The following PSMG1 variants were observed in gnomAD, a reference collection of about 807,000 sequenced individuals.
The protein encoded by PSMG1 is Down syndrome critical region gene 2.
In PSMG1, 23 loss-of-function variants were observed where a neutral mutation model predicts 37.2. The observed-to-expected ratio is 0.62, with a 90% CI of 0.44 to 0.88. The LOEUF is 0.88. Among genes scored for constraint, PSMG1 ranks in the 40% least tolerant of loss-of-function variants. The probability of loss-of-function intolerance (pLI) is 0.00; values close to 1 mark genes in which losing one functional copy is unlikely to be tolerated. For missense variants in PSMG1, 340 were observed against 344.2 expected (o/e 0.99, Z 0.10); for synonymous variants, 127 against 128.0 (o/e 0.99, Z 0.05).
chr21:39,182,906 C>A (rs373858445), intron 1 of PSMG1, among the ~76,000 whole-genome samples: 5 of 152,208 alleles, frequency 3.3e-5, no homozygotes, highest in East Asian at 3.9e-4. Context: ...GTGTGACAAG[C>A]GGGAAGATCA....
At chr21:39,180,758 T>A (rs1483015079) in intron 2 of PSMG1, among the ~76,000 whole-genome samples, 1 of 152,222 alleles carries the variant, frequency 6.6e-6, no homozygotes, top group Non-Finnish European at 1.5e-5. Context: ...CCATAGTTAC[T>A]TGCCATCATG....
chr21:39,180,389 C>T lies in PSMG1; in HGVS notation c.289G>A (p.Gly97Ser). 1.2e-6 allele frequency: 2 copies of T among 1,607,810 alleles called. No homozygotes were observed. The highest frequency in any genetic ancestry group is 1.1e-5 in the South Asian group (1 of 89,640). Residue 97 changes from glycine to serine, a missense_variant, in exon 3 of 7, where the codon GGT becomes AGT. Transcript: ENST00000331573. ...CATTCATTCCAGAGTTTAGCACAACCAACTTCCTCCCAGACTCCTGAATTC... is the reference window on the plus strand; with the variant it reads ...CATTCATTCCAGAGTTTAGCACAACTAACTTCCTCCCAGACTCCTGAATTC... ...VMNSGVWEEV[G>S]CAKLWNEWCR...
At chr21:39,179,556 T>C (rs756776188) in intron 4 of PSMG1, among the ~76,000 whole-genome samples, 1 of 152,176 alleles carries the variant, frequency 6.6e-6, no homozygotes, top group Non-Finnish European at 1.5e-5. Context: ...CTGGATTTGA[T>C]AGATTTCTAA....
chr21:39,181,740 A>G (rs2030833328), intron 2 of PSMG1, 32 bp downstream of exon 2: 1 of 1,398,086 alleles, frequency 7.2e-7, no homozygotes, highest in Non-Finnish European at 9.7e-7. Context: ...TTCTTTCAAC[A>G]AAATGACTAA....
chr21:39,181,924 A>G (rs1298338491), intron 1 of PSMG1, 46 bp from the exon 2 acceptor site: 1 of 1,342,582 alleles, frequency 7.4e-7, no homozygotes, highest in Non-Finnish European at 1.0e-6. Flanking sequence ...CAATATAAAC[A>G]GTATCATGGC....
In PSMG1 at chr21:39,178,589, A is replaced by G; in HGVS notation, c.515T>C (p.Val172Ala). Residue 172 changes from valine to alanine, a missense_variant, in exon 5 of 7, where the codon GTT becomes GCT. Transcript: ENST00000331573. Reference sequence around the variant, plus strand: ...GGATTCTGAGGTTTTATAATCGGTAACATGTCGACATGTGAGAATAGTTAT... The same window carrying G: ...GGATTCTGAGGTTTTATAATCGGTAGCATGTCGACATGTGAGAATAGTTAT... ...MQITILTCRH[V>A]TDYKTSESTG... 4 of 1,614,186 alleles carry G rather than the reference A, an allele frequency of 2.5e-6. No homozygotes were observed. The highest frequency in any genetic ancestry group is 3.4e-6 in the Non-Finnish European group (4 of 1,180,030).
intron 1 of PSMG1, 43 bp downstream of exon 1, chr21:39,183,209 T>C (rs758034085): frequency 7.2e-6 from 11 of 1,521,150 alleles, no homozygotes; most frequent in Admixed American, 1.9e-5. Context: ...CCCGCGCACC[T>C]TCCAGCTGCG....
chr21:39,181,955 A>G, intron 1 of PSMG1, 77 bp from the exon 2 acceptor site: 4 of 855,366 alleles, frequency 4.7e-6, no homozygotes, highest in Non-Finnish European at 6.8e-6. Context: ...TATATGTATG[A>G]TTTACAATAA....
rs2030778502 is a variant in PSMG1, at chr21:39,180,288, G to A, written c.390C>T (p.Pro130=). The change falls in exon 3 of 7, where the codon CCC becomes CCT. Residue 130 remains proline, a synonymous_variant. Coordinates refer to ENST00000331573, the MANE Select transcript of PSMG1 (RefSeq NM_003720.4). The stretch of plus-strand genomic sequence containing the variant: ...CAAACATACAAGTCCCACCTACCGA[G>A]GGATTGGATTTTAGATGATAAAACA... ...FCVFYHLKSN[P]SVFLCQCSCY... The A allele has an allele frequency of 6.3e-7, 1 of 1,599,080 alleles. No individual in the cohort carries two copies. The highest frequency in any genetic ancestry group is 8.5e-7 in the Non-Finnish European group (1 of 1,173,922).
intron 1 of PSMG1, among the ~76,000 whole-genome samples, chr21:39,182,429 C>CTA (rs2030874088): frequency 9.9e-5 from 15 of 152,022 alleles, no homozygotes; most frequent in Non-Finnish European, 2.2e-4. Flanking sequence ...TGTTAGGATT[C>CTA]TCATTCACGC....
intron 1 of PSMG1, chr21:39,183,026 A>G: frequency 1.9e-6 from 1 of 534,458 alleles, no homozygotes; most frequent in East Asian, 3.6e-5. Context: ...CCTGGACTCC[A>G]CGAAACGCCA....
chr21:39,175,497 A>G lies in PSMG1; in HGVS notation c.*93T>C. 1 of 1,404,744 alleles carries G rather than the reference A, an allele frequency of 7.1e-7. No individual in the cohort carries two copies. 87.0% of individuals were successfully genotyped at this position (1,404,744 alleles called of 1,614,324 possible). On this transcript the variant is annotated 3_prime_UTR_variant, in exon 7 of 7. Coordinates refer to ENST00000331573, the MANE Select transcript of PSMG1 (RefSeq NM_003720.4). ...TTTTATTCCGTTTCATCATTCTCAAAATATATCCCCCAAAAGTAATCTACA... is the reference window on the plus strand; with the variant it reads ...TTTTATTCCGTTTCATCATTCTCAAGATATATCCCCCAAAAGTAATCTACA...
At chr21:39,177,689 A>G (rs564627582) in intron 5 of PSMG1, 118 bp from the exon 6 acceptor site, 3 of 758,026 alleles carry the variant, frequency 4.0e-6, no homozygotes, top group South Asian at 1.1e-4. Flanking sequence ...GCCTCTTTCA[A>G]TCAAGGTATT....
chr21:39,175,790 CTTTA>C, intron 6 of PSMG1, 126 bp from the exon 7 acceptor site: 1 of 629,014 alleles, frequency 1.6e-6, no homozygotes, highest in Non-Finnish European at 2.8e-6. Context: ...CAGGCGTGGC[CTTTA>C]CTCTCCTTCT....
At chr21:39,178,680 CAT>C (rs1009756904) in intron 4 of PSMG1, 33 bp from the exon 5 acceptor site, 4 of 1,561,382 alleles carry the variant, frequency 2.6e-6, no homozygotes, top group African/African-American at 2.8e-5. Context: ...TTAAAAAAAA[CAT>C]ATAATTTTGT....
chr21:39,176,591 C>A (rs2030633684), intron 6 of PSMG1, among the ~76,000 whole-genome samples: 2 of 152,260 alleles, frequency 1.3e-5, no homozygotes, highest in African/African-American at 4.8e-5. Flanking sequence ...AGTTTTACAG[C>A]TGTACTCTTC....
chr21:39,179,621 C>T (rs562818839), intron 4 of PSMG1, among the ~76,000 whole-genome samples: 2 of 151,972 alleles, frequency 1.3e-5, no homozygotes, highest in East Asian at 1.9e-4. Context: ...GAAAGATGGG[C>T]GGGAGGAATC....
chr21:39,180,894 T>C (rs1453904812), intron 2 of PSMG1, among the ~76,000 whole-genome samples: 2 of 152,234 alleles, frequency 1.3e-5, no homozygotes, highest in African/African-American at 4.8e-5. Context: ...TGTGTATTTG[T>C]AAATGTACAT....
Position 39,183,249 on chromosome 21 carries a change from C to T in PSMG1, c.134+3G>A. 1 of 1,580,882 alleles carries T rather than the reference C, an allele frequency of 6.3e-7. No individual in the cohort carries two copies. Among genetic ancestry groups the T allele is most frequent in the Non-Finnish European group, 8.6e-7 (1 of 1,167,744 alleles). ...GCGCGCTGCCCTTATCCCGGTGCCT[C>T]ACCTCTTCCGCGCCAGCTGCAGACG... On this transcript the variant is annotated splice_donor_region_variant and intron_variant, in intron 1 of 6. Coordinates refer to ENST00000331573, the MANE Select transcript of PSMG1 (RefSeq NM_003720.4).
Sources: gnomAD v4.1 joint callset for allele counts (sites outside exome capture counted in the v4.1 genomes callset) on GRCh38, gnomAD v4.1.1 for gene constraint, MANE v1.5 for transcripts, NCBI Gene and HGNC (gene_info 2026-07-23, HGNC 2026-07-21) for gene names.